Variants in CACNA1G observed in about 807,000 individuals in gnomAD.
CACNA1G encodes the protein voltage-dependent T-type calcium channel subunit alpha-1G.
Under a neutral mutation model 219.4 loss-of-function variants are expected in CACNA1G, and 67 were observed. That is an observed-to-expected ratio of 0.31 (90% CI 0.25 to 0.37). CACNA1G has a LOEUF of 0.37. Ranked by LOEUF, CACNA1G falls within the 10% of genes least tolerant of loss-of-function variation. CACNA1G has a pLI of 1.00. For synonymous variants in CACNA1G, 1,296 were observed against 1,345.3 expected, an observed-to-expected ratio of 0.96 and a Z score of 0.80; for missense variants, 2,380 against 3,231.4, an observed-to-expected ratio of 0.74 and a Z score of 6.39.
chr17:50,601,266 G>A, intron 19 of CACNA1G, 92 bp downstream of exon 19: 1 of 1,493,212 alleles, frequency 6.7e-7, no homozygotes, highest in Admixed American at 1.8e-5. Flanking sequence ...TTGCTGACCT[G>A]CAAGTCACAC....
chr17:50,597,126 A>G (rs2045732461), intron 16 of CACNA1G, among the ~76,000 whole-genome samples: 1 of 152,136 alleles, frequency 6.6e-6, no homozygotes, highest in African/African-American at 2.4e-5. Context: ...GGCTGAAAAC[A>G]GGGCCTAAGC....
intron 1 of CACNA1G, among the ~76,000 whole-genome samples, chr17:50,565,674 C>T (rs2037609149): frequency 6.6e-6 from 1 of 152,172 alleles, no homozygotes; most frequent in Non-Finnish European, 1.5e-5. Flanking sequence ...GCCCAGAGCC[C>T]CTGTGCCCCT....
intron 7 of CACNA1G, among the ~76,000 whole-genome samples, chr17:50,574,412 A>T (rs148323260): frequency 6.6e-6 from 1 of 152,372 alleles, no homozygotes; most frequent in Non-Finnish European, 1.5e-5. Context: ...CAAGTCCCCA[A>T]GGCCACCTCA....
chr17:50,604,973 C>T (rs1456719470), intron 22 of CACNA1G, among the ~76,000 whole-genome samples: 1 of 152,164 alleles, frequency 6.6e-6, no homozygotes, highest in Admixed American at 6.5e-5. Context: ...CCTTGGCTTC[C>T]TGGGATGTCC....
rs1456517773 is a variant in CACNA1G at position 50,576,357 on chromosome 17, C to T, written c.1924+31C>T. The T allele has an allele frequency of 3.9e-6, 6 of 1,553,528 alleles. No homozygotes were observed. In the African/African-American group the frequency reaches 8.2e-5, roughly 21 times the overall value. ...AACTCTGGGTGGAGGCATGTGGGTG[C>T]CCTCGTCTGGGGACTGGGTGGCGTC... On this transcript the variant is annotated intron_variant, in intron 8 of 37. Coordinates refer to ENST00000359106, the MANE Select transcript of CACNA1G (RefSeq NM_018896.5).
rs76051856 is a variant in CACNA1G, at chr17:50,603,412, T to G, written c.4169+213T>G. On this transcript the variant is annotated intron_variant, in intron 21 of 37. Coordinates refer to ENST00000359106, the MANE Select transcript of CACNA1G (RefSeq NM_018896.5). The surrounding 1 kb of genome is among the most constrained non-coding windows in gnomAD (Gnocchi z 6.4). Reference sequence around the variant, plus strand: ...CAGGTGCACACCTGCTTTCCTCCTCTTCAACATGACATATTCCTCAGGGCC... The same window carrying G: ...CAGGTGCACACCTGCTTTCCTCCTCGTCAACATGACATATTCCTCAGGGCC... Among the ~76,000 whole-genome samples, 3,639 of 152,236 alleles carry G rather than the reference T, an allele frequency of 0.024. 154 individuals carry two copies. Among genetic ancestry groups the G allele is most frequent in the African/African-American group, 0.083 (3,442 of 41,512 alleles).
At chr17:50,625,501 C>T (rs902901898) in intron 37 of CACNA1G, among the ~76,000 whole-genome samples, 1 of 152,218 alleles carries the variant, frequency 6.6e-6, no homozygotes, top group Admixed American at 6.5e-5. Context: ...CTCACAGCTG[C>T]CAGACACCTA....
chr17:50,590,380 C>G lies in CACNA1G; in HGVS notation c.2302-91C>G, dbSNP rs759218442. 2.8e-4 allele frequency: 389 copies of G among 1,407,244 alleles called. 1 individual carries two copies. The highest frequency in any genetic ancestry group is 3.5e-4 in the Non-Finnish European group (356 of 1,003,652). The allele number at this position is 1,407,244 out of a possible 1,614,324, so 87.2% of individuals were successfully genotyped here. ...CCTCCGCACAAGCTTGCTATTCCTG[C>G]TCCTCCTCTCCCTGGTGTCCCATGT... On this transcript the variant is annotated intron_variant, in intron 9 of 37. Transcript: ENST00000359106.
chr17:50,569,293 C>T lies in CACNA1G; in HGVS notation c.483C>T (p.Ile161=), dbSNP rs372851469. 33 of 1,613,388 alleles carry T rather than the reference C, an allele frequency of 2.0e-5. No homozygotes were observed. In the African/African-American group the frequency reaches 3.3e-4, roughly 16 times the overall value. Residue 161 remains isoleucine, a synonymous_variant, in exon 3 of 38, where the codon ATC becomes ATT. Coordinates refer to ENST00000359106, the MANE Select transcript of CACNA1G (RefSeq NM_018896.5). ...TWNRLDFFIV[I]AGMLEYSLDL... ...ACCGGCTTGACTTTTTCATCGTCATCGCAGGGTGAGGACCTGGGCTGGGGT... is the reference window on the plus strand; with the variant it reads ...ACCGGCTTGACTTTTTCATCGTCATTGCAGGGTGAGGACCTGGGCTGGGGT...
At position 50,561,439 on chromosome 17, in the gene CACNA1G, G is replaced by C; in HGVS notation, c.-21G>C. ...CCGCTTGCCCCTCTCCGGATCGCCC[G>C]GGGCCCCGGCTGGCCAGAGGATGGA... On this transcript the variant is annotated 5_prime_UTR_variant, in exon 1 of 38. Coordinates refer to ENST00000359106, the MANE Select transcript of CACNA1G (RefSeq NM_018896.5). 1 of 1,533,526 alleles carries C rather than the reference G, an allele frequency of 6.5e-7. No individual in the cohort carries two copies. Among genetic ancestry groups the C allele is most frequent in the Non-Finnish European group, 8.7e-7 (1 of 1,146,428 alleles). The allele number at this position is 1,533,526 out of a possible 1,614,324, so 95.0% of individuals were successfully genotyped here.
At chr17:50,565,023 G>GC (rs890613677) in intron 1 of CACNA1G, among the ~76,000 whole-genome samples, 77 of 140,378 alleles carry the variant, frequency 5.5e-4, no homozygotes, top group Non-Finnish European at 7.7e-4. Flanking sequence ...CCACCACACA[G>GC]CCCCCCCCAC....
At chr17:50,567,161 C>T (rs1208008642) in intron 1 of CACNA1G, among the ~76,000 whole-genome samples, 1 of 152,366 alleles carries the variant, frequency 6.6e-6, no homozygotes, top group African/African-American at 2.4e-5. Flanking sequence ...CGGCTCTACT[C>T]AGAAAAACAA....
At chr17:50,591,331 C>A (rs571398432) in intron 10 of CACNA1G, 104 bp from the exon 11 acceptor site, 2 of 1,173,926 alleles carry the variant, frequency 1.7e-6, no homozygotes, top group South Asian at 1.7e-5. Flanking sequence ...TTTCTCTCGA[C>A]GTGCCCACCC....
At chr17:50,625,757 C>T (rs535035003) in intron 37 of CACNA1G, among the ~76,000 whole-genome samples, 9 of 152,134 alleles carry the variant, frequency 5.9e-5, no homozygotes, top group Admixed American at 2.0e-4. Context: ...GCAGAGAGAG[C>T]GATTCTTGCA....
intron 9 of CACNA1G, among the ~76,000 whole-genome samples, chr17:50,583,649 G>A (rs2042402835): frequency 6.8e-6 from 1 of 146,288 alleles, no homozygotes; most frequent in African/African-American, 2.5e-5. Flanking sequence ...ATTGACAGTG[G>A]CTTGGGTGGT....
intron 13 of CACNA1G, 139 bp downstream of exon 13, chr17:50,592,231 G>A (rs370366437): frequency 3.3e-5 from 29 of 866,196 alleles, no homozygotes; most frequent in East Asian, 2.4e-4. Flanking sequence ...AGACTAAGCC[G>A]GGGTGGACCA....
chr17:50,614,692 A>G (rs2050049554), intron 26 of CACNA1G, among the ~76,000 whole-genome samples: 1 of 152,210 alleles, frequency 6.6e-6, no homozygotes, highest in South Asian at 2.1e-4. Context: ...CCTCATTAGA[A>G]ACTGGGTGAG....
At chr17:50,595,293 A>G (rs2045297603) in intron 14 of CACNA1G, among the ~76,000 whole-genome samples, 1 of 152,236 alleles carries the variant, frequency 6.6e-6, no homozygotes, top group African/African-American at 2.4e-5. Context: ...CAAGGGCACC[A>G]TCTCCATCCC....
chr17:50,568,087 G>A (rs1567956914), intron 1 of CACNA1G, among the ~76,000 whole-genome samples: 1 of 152,184 alleles, frequency 6.6e-6, no homozygotes, highest in East Asian at 1.9e-4. Flanking sequence ...TGAGGGTGTT[G>A]AGAGGTTGGG....
Sources: gnomAD v4.1 joint callset for allele counts (sites outside exome capture counted in the v4.1 genomes callset) on GRCh38, gnomAD v4.1.1 for gene constraint, Gnocchi (gnomAD v3.1) non-coding constraint, MANE v1.5 for transcripts, NCBI Gene and HGNC (gene_info 2026-07-23, HGNC 2026-07-21) for gene names.